The following USP30 variants were observed in gnomAD, a reference collection of about 807,000 sequenced individuals.
The protein encoded by USP30 is ubiquitin carboxyl-terminal hydrolase 30.
Under a neutral mutation model 68.2 loss-of-function variants are expected in USP30, and 41 were observed. That is an observed-to-expected ratio of 0.60 (90% CI 0.47 to 0.78). The LOEUF (loss-of-function observed/expected upper bound fraction) is 0.78. Among genes scored for constraint, USP30 ranks in the 30% least tolerant of loss-of-function variants. The pLI, the probability that USP30 is intolerant of heterozygous loss-of-function variation, is 0.00. For missense variants in USP30, 522 were observed against 649.4 expected, an observed-to-expected ratio of 0.80 and a Z score of 2.13; for synonymous variants, 229 against 253.7, an observed-to-expected ratio of 0.90 and a Z score of 0.93.
At position 109,046,639 on chromosome 12, in the gene USP30, A is replaced by T. The variant is rs144872117; in HGVS notation, c.-135-951A>T. On this transcript the variant is annotated intron_variant, in intron 3 of 15. Transcript: ENST00000392784. Reference sequence around the variant, plus strand: ...ACTTAACCATCACACCCAGGGAAAAAGATGAATTGCCTAGGATCACATAGC... The same window carrying T: ...ACTTAACCATCACACCCAGGGAAAATGATGAATTGCCTAGGATCACATAGC... Among the ~76,000 whole-genome samples the T allele has an allele frequency of 4.1e-3, 619 of 152,264 alleles. 6 individuals carry two copies. The highest frequency in any genetic ancestry group is 0.015 in the African/African-American group (603 of 41,552).
intron 3 of USP30, among the ~76,000 whole-genome samples, chr12:109,063,785 T>G (rs756366798): frequency 6.6e-6 from 1 of 152,234 alleles, no homozygotes; most frequent in African/African-American, 2.4e-5. Context: ...ATAAGTTATA[T>G]TGAGCATCTT....
At chr12:109,079,339 CTTTTTTTTTTTCTTTTTTTTTTT>C (rs2041717759) in intron 7 of USP30, among the ~76,000 whole-genome samples, 1 of 62,250 alleles carries the variant, frequency 1.6e-5, no homozygotes, top group African/African-American at 6.9e-5. Context: ...TTTTCTTTTT[CTTTTTTTTTTTCTTTTTTTTTTT>C]TTTTTTTTTT....
chr12:109,077,650 T>C (rs2041651218), intron 7 of USP30, among the ~76,000 whole-genome samples: 1 of 152,214 alleles, frequency 6.6e-6, no homozygotes, highest in African/African-American at 2.4e-5. Context: ...AATGTAAGTA[T>C]TGATGTGATT....
At chr12:109,058,164 A>G in intron 3 of USP30, 56 bp downstream of exon 3, 2 of 1,516,856 alleles carry the variant, frequency 1.3e-6, no homozygotes, top group South Asian at 1.3e-5. Context: ...AGTCCAGATG[A>G]CAGAGACTCT....
chr12:109,053,123 C>G (rs1038609003), intron 1 of USP30: 2 of 194,490 alleles, frequency 1.0e-5, no homozygotes, highest in African/African-American at 4.6e-5. Flanking sequence ...TCTAGTATAC[C>G]CCCAGTCCTT....
At chr12:109,031,045 C>G (rs1311007399) in intron 3 of USP30, among the ~76,000 whole-genome samples, 1 of 152,044 alleles carries the variant, frequency 6.6e-6, no homozygotes, top group African/African-American at 2.4e-5. Flanking sequence ...GTCTTTACAA[C>G]TCTCCTGTAA....
intron 3 of USP30, among the ~76,000 whole-genome samples, chr12:109,063,240 CA>C (rs1171917871): frequency 1.1e-4 from 17 of 152,084 alleles, no homozygotes; most frequent in Non-Finnish European, 4.4e-5. Flanking sequence ...GCTGGGATGA[CA>C]GGCGTGCACC....
intron 3 of USP30, among the ~76,000 whole-genome samples, chr12:109,042,292 G>T (rs538150867): frequency 2.4e-4 from 36 of 152,074 alleles, no homozygotes; most frequent in African/African-American, 8.2e-4. Flanking sequence ...AATATTGCAT[G>T]GAGATGGTAC....
chr12:109,048,739 C>CAAAAAAA (rs60197959), upstream of USP30, among the ~76,000 whole-genome samples: 238 of 86,912 alleles, frequency 2.7e-3, 2 homozygotes, highest in African/African-American at 8.5e-3. Flanking sequence ...GACTCTGTCT[C>CAAAAAAA]AAAAAAAAAA....
At chr12:109,076,028 G>C (rs1024855269) in intron 7 of USP30, among the ~76,000 whole-genome samples, 8 of 151,798 alleles carry the variant, frequency 5.3e-5, no homozygotes, top group Admixed American at 3.9e-4. Flanking sequence ...TTGCGGTTCT[G>C]AGTGACATTA....
chr12:109,035,342 G>GTTCA (rs2040510970), intron 3 of USP30, among the ~76,000 whole-genome samples: 1 of 146,526 alleles, frequency 6.8e-6, no homozygotes, highest in Non-Finnish European at 1.5e-5. Flanking sequence ...ATTTCAATTT[G>GTTCA]TTTATTTATT....
intron 3 of USP30, among the ~76,000 whole-genome samples, chr12:109,045,817 G>A (rs971489261): frequency 5.9e-5 from 9 of 152,118 alleles, no homozygotes; most frequent in Non-Finnish European, 1.0e-4. Context: ...AATAGAACGC[G>A]TGTGTATGTG....
At chr12:109,047,369 C>T (rs2040614873) in intron 3 of USP30, among the ~76,000 whole-genome samples, 1 of 152,160 alleles carries the variant, frequency 6.6e-6, no homozygotes, top group African/African-American at 2.4e-5. Flanking sequence ...TGGGAAAAAA[C>T]AAGAGCTACA....
upstream of USP30, among the ~76,000 whole-genome samples, chr12:109,050,898 T>C (rs577629769): frequency 3.6e-4 from 54 of 152,002 alleles, no homozygotes; most frequent in Non-Finnish European, 6.6e-4. Flanking sequence ...TCCCAGCTAC[T>C]CAGGAGGCTG....
intron 3 of USP30, among the ~76,000 whole-genome samples, chr12:109,035,488 T>A (rs13377980): frequency 6.6e-6 from 1 of 152,062 alleles, no homozygotes; most frequent in Non-Finnish European, 1.5e-5. Context: ...CTCAGCCTCC[T>A]GAGTAGTTGG....
chr12:109,036,075 G>A (rs2040516951), intron 3 of USP30, among the ~76,000 whole-genome samples: 1 of 152,270 alleles, frequency 6.6e-6, no homozygotes, highest in East Asian at 1.9e-4. Context: ...TGGGAGGATT[G>A]CTTGAGACCA....
chr12:109,059,836 G>T (rs901117115), intron 3 of USP30: 8 of 152,276 alleles, frequency 5.3e-5, no homozygotes, highest in African/African-American at 1.9e-4. Context: ...CCAACTTTTT[G>T]ACTGTAGAAC....
intron 11 of USP30, among the ~76,000 whole-genome samples, chr12:109,083,617 A>G (rs1453513305): frequency 2.0e-5 from 3 of 152,098 alleles, no homozygotes; most frequent in Admixed American, 6.6e-5. Context: ...CCAAGGGCAA[A>G]CACCACACAG....
chr12:109,080,173 T>C (rs762361819), intron 7 of USP30, among the ~76,000 whole-genome samples: 1 of 152,152 alleles, frequency 6.6e-6, no homozygotes, highest in Non-Finnish European at 1.5e-5. Flanking sequence ...GGTATAAACT[T>C]TGGGGCTCAT....
Sources: gnomAD v4.1 joint callset for allele counts (sites outside exome capture counted in the v4.1 genomes callset) on GRCh38, gnomAD v4.1.1 for gene constraint, MANE v1.5 for transcripts, NCBI Gene and HGNC (gene_info 2026-07-23, HGNC 2026-07-21) for gene names.